DNAJC1: variants seen among roughly 807,000 people sequenced by gnomAD.
DNAJC1 encodes DnaJ heat shock protein family (Hsp40) member C1.
DNAJC1 carries 58 observed loss-of-function variants against 76.6 expected under a neutral mutation model. The ratio of observed to expected loss-of-function variants is 0.76; its 90% CI spans 0.61 to 0.94. The LOEUF (loss-of-function observed/expected upper bound fraction) is 0.94. Ranked by LOEUF, DNAJC1 falls within the 40% of genes least tolerant of loss-of-function variation. The pLI is 0.00. For synonymous variants in DNAJC1, 258 were observed against 267.9 expected (o/e 0.96, Z 0.36); for missense variants, 689 against 677.3 (o/e 1.02, Z -0.19).
intron 8 of DNAJC1, among the ~76,000 whole-genome samples, chr10:21,807,720 C>G (rs1434532115): frequency 1.3e-5 from 2 of 152,142 alleles, no homozygotes; most frequent in Non-Finnish European, 2.9e-5. Flanking sequence ...CTGAAAGCCT[C>G]AAACATATTC....
intron 9 of DNAJC1, among the ~76,000 whole-genome samples, chr10:21,797,759 T>G (rs991339314): frequency 6.6e-5 from 10 of 152,188 alleles, no homozygotes; most frequent in African/African-American, 2.2e-4. Context: ...TCTCTTGTCC[T>G]TCTGTGTTCT....
intron 8 of DNAJC1, among the ~76,000 whole-genome samples, chr10:21,876,095 A>G (rs575380257): frequency 6.6e-6 from 1 of 152,150 alleles, no homozygotes; most frequent in Non-Finnish European, 1.5e-5. Flanking sequence ...AAGCTGCAAC[A>G]CATTATTGAA....
At chr10:21,826,334 A>G (rs114659500) in intron 8 of DNAJC1, among the ~76,000 whole-genome samples, 1,538 of 145,476 alleles carry the variant, frequency 0.011, 25 homozygotes, top group African/African-American at 0.038. Context: ...CTCTCTTTTT[A>G]TTTTAGAGAT....
At chr10:21,922,708 A>G (rs1171334379) in intron 3 of DNAJC1, among the ~76,000 whole-genome samples, 6 of 152,048 alleles carry the variant, frequency 3.9e-5, no homozygotes, top group Non-Finnish European at 7.4e-5. Flanking sequence ...GTGCTCTAAC[A>G]TAAGATTACA....
chr10:21,784,934 G>C (rs1042987020), intron 9 of DNAJC1, among the ~76,000 whole-genome samples: 8 of 152,012 alleles, frequency 5.3e-5, no homozygotes, highest in Non-Finnish European at 5.9e-5. Context: ...ATAGCATTAG[G>C]AGATATACCT....
At chr10:21,965,930 T>C (rs1212370672) in intron 1 of DNAJC1, among the ~76,000 whole-genome samples, 1 of 152,342 alleles carries the variant, frequency 6.6e-6, no homozygotes, top group Non-Finnish European at 1.5e-5. Context: ...AGGTACCCCT[T>C]TCCTGTAACA....
chr10:21,859,087 A>T (rs894217779), intron 8 of DNAJC1, among the ~76,000 whole-genome samples: 1 of 152,206 alleles, frequency 6.6e-6, no homozygotes, highest in Non-Finnish European at 1.5e-5. Context: ...GATATTTGTC[A>T]TATTTCATTT....
At chr10:21,818,094 G>A (rs913229044) in intron 8 of DNAJC1, among the ~76,000 whole-genome samples, 7 of 152,174 alleles carry the variant, frequency 4.6e-5, no homozygotes, top group African/African-American at 7.2e-5. Flanking sequence ...TGAGCCGGGC[G>A]GAACAGAGCC....
At chr10:21,850,740 G>C (rs773686644) in intron 8 of DNAJC1, among the ~76,000 whole-genome samples, 1 of 151,984 alleles carries the variant, frequency 6.6e-6, no homozygotes, top group East Asian at 1.9e-4. Flanking sequence ...AAGAACAAAG[G>C]CTGGAGAATT....
intron 6 of DNAJC1, among the ~76,000 whole-genome samples, chr10:21,912,196 A>G (rs1344228788): frequency 6.6e-6 from 1 of 151,826 alleles, no homozygotes; most frequent in East Asian, 1.9e-4. Flanking sequence ...TTTTTTTCTT[A>G]TATTTTAATA....
At chr10:21,836,536 T>C (rs546455308) in intron 8 of DNAJC1, among the ~76,000 whole-genome samples, 10 of 152,136 alleles carry the variant, frequency 6.6e-5, no homozygotes, top group Admixed American at 1.3e-4. Flanking sequence ...GACTGGCAAA[T>C]TGGATAAAGA....
chr10:21,791,983 C>G (rs900060128), intron 9 of DNAJC1, among the ~76,000 whole-genome samples: 3 of 151,782 alleles, frequency 2.0e-5, no homozygotes, highest in Non-Finnish European at 4.4e-5. Context: ...CTTAGCGTAA[C>G]CAAAAGAAAT....
intron 6 of DNAJC1, among the ~76,000 whole-genome samples, chr10:21,910,828 G>GAAGGA (rs761092482): frequency 0.28 from 19,021 of 68,850 alleles, 4,956 homozygotes; most frequent in East Asian, 0.58. Flanking sequence ...GGAAAGAAAG[G>GAAGGA]AAGGAGAGGA....
intron 8 of DNAJC1, among the ~76,000 whole-genome samples, chr10:21,841,806 A>T (rs1249781576): frequency 4.6e-5 from 7 of 152,178 alleles, no homozygotes; most frequent in Admixed American, 3.9e-4. Context: ...ACGTATGTTT[A>T]TAGCGGCACT....
rs535965872 is a variant in DNAJC1 at position 21,907,734 on chromosome 10, C to T, written c.730-3122G>A. 1.3e-4 allele frequency among the ~76,000 whole-genome samples: 19 copies of T among 151,782 alleles called. No homozygotes were observed. In the East Asian group the frequency reaches 2.7e-3, roughly 22 times the overall value. On this transcript the variant is annotated intron_variant, in intron 6 of 11. Coordinates refer to ENST00000376980, the MANE Select transcript of DNAJC1 (RefSeq NM_022365.4). ...GCTCACACCTGCAATCCTAGCACTT[C>T]GGGAAGCCCAGGTGGGCGGATCACT...
intron 1 of DNAJC1, among the ~76,000 whole-genome samples, chr10:21,999,017 A>G (rs1290320592): frequency 6.6e-6 from 1 of 152,236 alleles, no homozygotes; most frequent in Non-Finnish European, 1.5e-5. Context: ...TATTCAGATT[A>G]TAGAGCTTAG....
At chr10:21,943,288 A>G (rs1422371947) in intron 1 of DNAJC1, among the ~76,000 whole-genome samples, 1 of 152,254 alleles carries the variant, frequency 6.6e-6, no homozygotes, top group Non-Finnish European at 1.5e-5. Context: ...TTAATAAAAC[A>G]GAAAAGGGAA....
chr10:21,872,525 C>T (rs1289938995), intron 8 of DNAJC1, among the ~76,000 whole-genome samples: 1 of 152,082 alleles, frequency 6.6e-6, no homozygotes, highest in Non-Finnish European at 1.5e-5. Flanking sequence ...AGTGTAATAA[C>T]TGAGATAAAA....
chr10:21,939,818 G>A (rs576639398), intron 1 of DNAJC1, among the ~76,000 whole-genome samples: 13 of 151,668 alleles, frequency 8.6e-5, no homozygotes, highest in Non-Finnish European at 1.9e-4. Flanking sequence ...GGTCATTTTC[G>A]TATCTGATTT....
Sources: gnomAD v4.1 joint callset for allele counts (sites outside exome capture counted in the v4.1 genomes callset) on GRCh38, gnomAD v4.1.1 for gene constraint, MANE v1.5 for transcripts, NCBI Gene and HGNC (gene_info 2026-07-23, HGNC 2026-07-21) for gene names.